MLF1: variants seen among roughly 807,000 people sequenced by gnomAD.
MLF1 encodes myeloid leukemia factor 1.
A neutral mutation model predicts 38.3 loss-of-function variants in MLF1; 37 were observed. The ratio of observed to expected loss-of-function variants is 0.96; its 90% CI spans 0.74 to 1.27. The LOEUF (loss-of-function observed/expected upper bound fraction) is 1.27, where lower values mean the gene tolerates loss of function less well. Ranked by LOEUF, MLF1 falls within the 50% of genes most tolerant of loss-of-function variation. The probability of loss-of-function intolerance (pLI) is 0.00; values close to 1 mark genes in which losing one functional copy is unlikely to be tolerated. For synonymous variants in MLF1, 95 were observed against 106.5 expected, an observed-to-expected ratio of 0.89 and a Z score of 0.66; for missense variants, 331 against 349.2, an observed-to-expected ratio of 0.95 and a Z score of 0.42.
rs747082235 is a variant in MLF1 at position 158,605,965 on chromosome 3, G to C, written c.*763G>C. ...CACAAACAGCTTCATCTGTCTCCAAGGTTAACATTCTGAAGCTGGAGAGTC... is the reference window on the plus strand; with the variant it reads ...CACAAACAGCTTCATCTGTCTCCAACGTTAACATTCTGAAGCTGGAGAGTC... On this transcript the variant is annotated 3_prime_UTR_variant, in exon 8 of 8. Transcript: ENST00000466246. 1 of 183,116 alleles carries C rather than the reference G, an allele frequency of 5.5e-6. No individual in the cohort carries two copies. The highest frequency in any genetic ancestry group is 1.2e-5 in the Non-Finnish European group (1 of 86,152). 11.3% of individuals were successfully genotyped at this position (183,116 alleles called of 1,614,324 possible).
At chr3:158,590,747 A>C (rs560705295) in intron 1 of MLF1, 70 of 455,792 alleles carry the variant, frequency 1.5e-4, no homozygotes, top group African/African-American at 1.4e-3. Flanking sequence ...TTATCTGCAA[A>C]GAGACGAGGA....
chr3:158,572,603 TA>T (rs1714678356), intron 1 of MLF1, among the ~76,000 whole-genome samples: 1 of 108,964 alleles, frequency 9.2e-6, no homozygotes, highest in Non-Finnish European at 1.9e-5. Context: ...GGGCGTGAGG[TA>T]GGGGGAAGAG....
intron 3 of MLF1, among the ~76,000 whole-genome samples, chr3:158,595,097 G>C (rs1450426259): frequency 6.6e-6 from 1 of 152,068 alleles, no homozygotes; most frequent in Admixed American, 6.6e-5. Context: ...TTTATAAAGT[G>C]GGAAGATAGA....
intron 5 of MLF1, among the ~76,000 whole-genome samples, chr3:158,598,872 T>TA (rs1031036992): frequency 2.6e-5 from 4 of 152,108 alleles, no homozygotes; most frequent in Non-Finnish European, 5.9e-5. Context: ...TTTCTGTCAT[T>TA]AAAAAAATGG....
At chr3:158,585,264 G>A (rs1717083172) in intron 1 of MLF1, among the ~76,000 whole-genome samples, 1 of 152,000 alleles carries the variant, frequency 6.6e-6, no homozygotes, top group Non-Finnish European at 1.5e-5. Context: ...TTCCCAGAGA[G>A]CTGAGAGCTG....
intron 1 of MLF1, 167 bp downstream of exon 1, chr3:158,571,514 G>T (rs548166900): frequency 2.6e-6 from 2 of 767,264 alleles, no homozygotes; most frequent in Non-Finnish European, 4.4e-6. Context: ...GAAGAGAGAG[G>T]AGGATTTAGG....
intron 1 of MLF1, among the ~76,000 whole-genome samples, chr3:158,581,072 A>G (rs942985848): frequency 6.6e-6 from 1 of 152,220 alleles, no homozygotes; most frequent in Non-Finnish European, 1.5e-5. Flanking sequence ...TCACAGGGCA[A>G]ATCTCTGCCC....
intron 1 of MLF1, chr3:158,583,024 G>C (rs1368641590): frequency 3.6e-6 from 2 of 548,514 alleles, no homozygotes; most frequent in Non-Finnish European, 3.2e-6. Context: ...TTAATGGATT[G>C]AATGCCAATC....
At chr3:158,578,826 G>A (rs1352659021) in intron 1 of MLF1, among the ~76,000 whole-genome samples, 1 of 152,110 alleles carries the variant, frequency 6.6e-6, no homozygotes, top group African/African-American at 2.4e-5. Flanking sequence ...AGTATAGAAA[G>A]TTTGGTAGCA....
chr3:158,603,776 T>C (rs1218239849), intron 7 of MLF1, among the ~76,000 whole-genome samples: 2 of 152,066 alleles, frequency 1.3e-5, no homozygotes, highest in Non-Finnish European at 2.9e-5. Flanking sequence ...GAGGCAGAGG[T>C]TGTGGTGAGC....
At chr3:158,580,738 A>G (rs540002545) in intron 1 of MLF1, among the ~76,000 whole-genome samples, 1 of 151,672 alleles carries the variant, frequency 6.6e-6, no homozygotes, top group Admixed American at 6.6e-5. Context: ...GGCAGAGCCC[A>G]GGAGCTCGAG....
At chr3:158,589,278 C>T (rs1717776522) in intron 1 of MLF1, among the ~76,000 whole-genome samples, 1 of 152,032 alleles carries the variant, frequency 6.6e-6, no homozygotes, top group African/African-American at 2.4e-5. Flanking sequence ...ATGGCATGAT[C>T]TTGGCTCATC....
chr3:158,592,492 C>T lies in MLF1; in HGVS notation c.106C>T (p.Pro36Ser), dbSNP rs746302854. 1.2e-6 allele frequency: 2 copies of T among 1,610,884 alleles called. No individual in the cohort carries two copies. Among genetic ancestry groups the T allele is most frequent in the Non-Finnish European group, 1.7e-6 (2 of 1,178,726 alleles). The change falls in exon 2 of 8, where the codon CCC (proline) becomes TCC (serine). Residue 36 changes from proline (P) to serine (S), a missense_variant. Transcript: ENST00000466246. The stretch of plus-strand genomic sequence containing the variant: ...ACAGATGATAAGAAGTTTTTCTGAA[C>T]CCTTTGGAAGAGACTTGCTCAGTAT... ...MRQMIRSFSEPFGRDLLSISD... is the reference protein window; with the variant it reads ...MRQMIRSFSESFGRDLLSISD...
At chr3:158,588,619 A>T in intron 1 of MLF1, among the ~76,000 whole-genome samples, 1 of 62,198 alleles carries the variant, frequency 1.6e-5, no homozygotes, top group South Asian at 5.2e-4. Flanking sequence ...AAAAAAAAAA[A>T]AAAAAGCAGA....
intron 2 of MLF1, among the ~76,000 whole-genome samples, chr3:158,592,928 C>T (rs1288222335): frequency 6.6e-6 from 1 of 152,080 alleles, no homozygotes; most frequent in Non-Finnish European, 1.5e-5. Context: ...CTCCCATACT[C>T]ATTGTTTTAA....
rs1467273775 is a variant in MLF1, at chr3:158,606,228, A to C, written c.*1026A>C. 1.1e-5 allele frequency: 2 copies of C among 176,842 alleles called. No individual in the cohort carries two copies. Among genetic ancestry groups the C allele is most frequent in the Admixed American group, 6.3e-5 (1 of 15,796 alleles). The allele number at this position is 176,842 out of a possible 1,614,324, so 11.0% of individuals were successfully genotyped here. On this transcript the variant is annotated 3_prime_UTR_variant, in exon 8 of 8. Transcript: ENST00000466246. ...TATAAAAGTTAGGTTTGAAGTTTAT[A>C]AGAATATAAAATCTTAACTCACATT... is the stretch of plus-strand genomic sequence containing the variant.
At chr3:158,584,758 A>G (rs1261615408) in intron 1 of MLF1, among the ~76,000 whole-genome samples, 2 of 151,406 alleles carry the variant, frequency 1.3e-5, no homozygotes, top group African/African-American at 2.4e-5. Flanking sequence ...GGGATGTCCA[A>G]TCTTTTGGCT....
chr3:158,598,343 G>T, intron 5 of MLF1, 135 bp downstream of exon 5: 2 of 838,470 alleles, frequency 2.4e-6, no homozygotes, highest in Non-Finnish European at 3.5e-6. Flanking sequence ...GGGGTTGGGG[G>T]TAAGGTAGTC....
intron 1 of MLF1, among the ~76,000 whole-genome samples, chr3:158,573,771 T>C (rs1714940350): frequency 1.3e-5 from 2 of 151,876 alleles, no homozygotes; most frequent in African/African-American, 4.8e-5. Context: ...TTGCACATAT[T>C]TTTCAAACAA....
Sources: gnomAD v4.1 joint callset for allele counts (sites outside exome capture counted in the v4.1 genomes callset) on GRCh38, gnomAD v4.1.1 for gene constraint, MANE v1.5 for transcripts, NCBI Gene and HGNC (gene_info 2026-07-23, HGNC 2026-07-21) for gene names.